PPIG: variants seen among roughly 807,000 people sequenced by gnomAD.
The protein encoded by PPIG is peptidylprolyl isomerase G.
In PPIG, 26 loss-of-function variants were observed where a neutral mutation model predicts 87.9. That is an observed-to-expected ratio of 0.30 (90% confidence interval 0.22 to 0.41). The LOEUF (loss-of-function observed/expected upper bound fraction) is 0.41, where lower values mean the gene tolerates loss of function less well. Among genes scored for constraint, PPIG ranks in the 10% least tolerant of loss-of-function variants. PPIG has a pLI of 1.00. For missense variants in PPIG, 722 were observed against 879.4 expected (o/e 0.82, Z 2.26); for synonymous variants, 308 against 276.5 (o/e 1.11, Z -1.13).
In PPIG at chr2:169,606,021, A is replaced by AT. The variant is rs751313567; in HGVS notation, c.137-11dup. 1.4e-4 allele frequency: 220 copies of AT among 1,553,078 alleles called. No homozygotes were observed. Among genetic ancestry groups the AT allele is most frequent in the East Asian group, 1.1e-3 (47 of 44,550 alleles). On this transcript the variant is annotated splice_polypyrimidine_tract_variant and intron_variant, in intron 4 of 13. Transcript: ENST00000260970. ...TGATTTCCTTTCTATTAAATGTCCT[A>AT]TTTTTTTATCTCTATAGGTGAAAAG... is the stretch of plus-strand genomic sequence containing the variant.
In PPIG at chr2:169,640,482, T is replaced by C. The variant is rs985809783; in HGVS notation, c.*2959T>C. On this transcript the variant is annotated 3_prime_UTR_variant, in exon 14 of 14. Transcript: ENST00000260970. ...TTGTACTTCATTCCAGTTGGTAATA[T>C]AGTTTTCATCACACTAAACTTTTTA... is the stretch of plus-strand genomic sequence containing the variant. 8 of 152,262 alleles carry C rather than the reference T, an allele frequency of 5.3e-5. No homozygotes were observed. The highest frequency in any genetic ancestry group is 3.4e-3 in the Middle Eastern group (1 of 294). 9.4% of individuals were successfully genotyped at this position (152,262 alleles called of 1,614,324 possible). A position where few individuals can be genotyped will look rare whatever the true frequency, so the allele number is the denominator to read the frequency against.
intron 13 of PPIG, 27 bp downstream of exon 13, chr2:169,636,255 A>G: frequency 6.4e-7 from 1 of 1,568,010 alleles, no homozygotes; most frequent in Non-Finnish European, 8.6e-7. Context: ...ATTATTTCAA[A>G]TGTAATGATA....
intron 9 of PPIG, among the ~76,000 whole-genome samples, chr2:169,628,304 G>A (rs1558899948): frequency 3.3e-5 from 5 of 152,100 alleles, no homozygotes; most frequent in South Asian, 2.1e-4. Context: ...ACTGGGTAAG[G>A]AAGGATTATC....
At chr2:169,632,551 C>A (rs1157094641) in intron 11 of PPIG, among the ~76,000 whole-genome samples, 1 of 151,506 alleles carries the variant, frequency 6.6e-6, no homozygotes, top group African/African-American at 2.4e-5. Context: ...ACCATCCTGG[C>A]TAACATGGTG....
At position 169,631,928 on chromosome 2, in the gene PPIG, A is replaced by G. The variant is rs1686064120; in HGVS notation, c.924A>G (p.Arg308=). The change falls in exon 11 of 14, where the codon AGA becomes AGG. Residue 308 remains arginine (R), a synonymous_variant. Transcript: ENST00000260970. ...AAAACAGAGAGAGAGAAAGGGAAAGAGAGTGGTATGTGAATATGTATATTT... is the reference window on the plus strand; with the variant it reads ...AAAACAGAGAGAGAGAAAGGGAAAGGGAGTGGTATGTGAATATGTATATTT... ...ERKNRERERE[R]ECNPPNSQPA... is the part of the protein sequence containing the mutation. The G allele has an allele frequency of 6.3e-7, 1 of 1,597,906 alleles. No individual in the cohort carries two copies. Among genetic ancestry groups the G allele is most frequent in the Non-Finnish European group, 8.6e-7 (1 of 1,167,634 alleles).
Position 169,640,619 on chromosome 2 carries a change from TTTGA to T in PPIG, c.*3099_*3102del. 6.6e-6 allele frequency: 1 copy of T among 152,324 alleles called. No individual in the cohort carries two copies. Among genetic ancestry groups the T allele is most frequent in the African/African-American group, 2.4e-5 (1 of 41,588 alleles). 9.4% of individuals were successfully genotyped at this position (152,324 alleles called of 1,614,324 possible). On this transcript the variant is annotated 3_prime_UTR_variant, in exon 14 of 14. Transcript: ENST00000260970. ...CAAAATGGGTGTTCTTCTGTTTCCT[TTTGA>T]TTATGTTTACTGTAATTATTTCATT...
Position 169,638,603 on chromosome 2 carries a change from T to C in PPIG, c.*1080T>C, listed in dbSNP as rs1686243673. 6.6e-6 allele frequency: 1 copy of C among 152,066 alleles called. No homozygotes were observed. The highest frequency in any genetic ancestry group is 2.4e-5 in the African/African-American group (1 of 41,442). 9.4% of individuals were successfully genotyped at this position (152,066 alleles called of 1,614,324 possible). A position where few individuals can be genotyped will look rare whatever the true frequency, so the allele number is the denominator to read the frequency against. On this transcript the variant is annotated 3_prime_UTR_variant, in exon 14 of 14. Coordinates refer to ENST00000260970, the MANE Select transcript of PPIG (RefSeq NM_004792.3). The stretch of plus-strand genomic sequence containing the variant: ...ATATGTATCACGATAGGCTATAGCA[T>C]GTTTATGACTCTGGTTTCTTTCTCT...
chr2:169,586,751 G>C (rs1348238386), intron 1 of PPIG, among the ~76,000 whole-genome samples: 1 of 151,940 alleles, frequency 6.6e-6, no homozygotes, highest in African/African-American at 2.4e-5. Context: ...CTTTAGTTAG[G>C]CTTTTTTCCT....
chr2:169,640,910 C>T lies in PPIG; in HGVS notation c.*3387C>T, dbSNP rs918447699. 9 of 152,126 alleles carry T rather than the reference C, an allele frequency of 5.9e-5. No individual in the cohort carries two copies. The highest frequency in any genetic ancestry group is 1.9e-4 in the East Asian group (1 of 5,184). The allele number at this position is 152,126 out of a possible 1,614,324, so 9.4% of individuals were successfully genotyped here. A position where few individuals can be genotyped will look rare whatever the true frequency, so the allele number is the denominator to read the frequency against. On this transcript the variant is annotated 3_prime_UTR_variant, in exon 14 of 14. Coordinates refer to ENST00000260970, the MANE Select transcript of PPIG (RefSeq NM_004792.3). ...AAAAATGACATGAATAAGAAAATTC[C>T]GTCAACAAGGTTGGAGTAGGGAGTT...
In PPIG at chr2:169,604,190, G is replaced by A; in HGVS notation, c.65G>A (p.Gly22Glu). 6.2e-7 allele frequency: 1 copy of A among 1,613,352 alleles called. No individual in the cohort carries two copies. Among genetic ancestry groups the A allele is most frequent in the Non-Finnish European group, 8.5e-7 (1 of 1,179,724 alleles). Residue 22 changes from glycine to glutamate, a missense_variant, in exon 4 of 14, where the codon GGA becomes GAA. By Grantham distance (98) the Gly-to-Glu change is moderately conservative. This residue lies in a region of PPIG where 99 missense variants were observed against 215.8 expected (regional missense o/e 0.46). Transcript: ENST00000260970. The part of the protein sequence containing the change: ...FDIAINNQPA[G>E]RVVFELFSDV... ...AACCAACTACCTTCTTTTTCAGCTG[G>A]AAGAGTTGTCTTTGAATTATTTTCT... is the stretch of plus-strand genomic sequence containing the variant.
At position 169,640,888 on chromosome 2, in the gene PPIG, AATGAC is replaced by A. The variant is rs1180446224; in HGVS notation, c.*3370_*3374del. 11 of 152,164 alleles carry A rather than the reference AATGAC, an allele frequency of 7.2e-5. No homozygotes were observed. Among genetic ancestry groups the A allele is most frequent in the African/African-American group, 2.2e-4 (9 of 41,442 alleles). 9.4% of individuals were successfully genotyped at this position (152,164 alleles called of 1,614,324 possible). A position where few individuals can be genotyped will look rare whatever the true frequency, so the allele number is the denominator to read the frequency against. On this transcript the variant is annotated 3_prime_UTR_variant, in exon 14 of 14. Coordinates refer to ENST00000260970, the MANE Select transcript of PPIG (RefSeq NM_004792.3). ...GAGGTATATATTAAAGGAAAAGAAA[AATGAC>A]ATGAATAAGAAAATTCCGTCAACAA...
At chr2:169,631,427 C>A in intron 10 of PPIG, 1 of 395,604 alleles carries the variant, frequency 2.5e-6, no homozygotes, top group Non-Finnish European at 3.9e-6. Flanking sequence ...TTGTCTTCAT[C>A]TGCCTATGGC....
chr2:169,615,561 T>C (rs7605610), intron 9 of PPIG, among the ~76,000 whole-genome samples: 90,740 of 152,124 alleles, frequency 0.6, 27,715 homozygotes, highest in African/African-American at 0.73. Context: ...AGTGAGTTCA[T>C]ATGGTATTCG....
chr2:169,614,750 G>A, intron 9 of PPIG, 26 bp downstream of exon 9: 1 of 1,581,914 alleles, frequency 6.3e-7, no homozygotes, highest in Non-Finnish European at 8.6e-7. Context: ...ATATTTCTGA[G>A]AATACTTACA....
At chr2:169,602,305 A>G (rs983273583) in intron 1 of PPIG, among the ~76,000 whole-genome samples, 1 of 152,052 alleles carries the variant, frequency 6.6e-6, no homozygotes, top group African/African-American at 2.4e-5. Context: ...TAAATAGAAT[A>G]TATTAAAATT....
At chr2:169,585,540 A>G (rs1684677300) in intron 1 of PPIG, among the ~76,000 whole-genome samples, 1 of 152,012 alleles carries the variant, frequency 6.6e-6, no homozygotes, top group Admixed American at 6.6e-5. Context: ...ATTACAGGCG[A>G]GAGCCACCGC....
chr2:169,597,502 C>CT (rs55683230), intron 1 of PPIG, among the ~76,000 whole-genome samples: 11,976 of 132,288 alleles, frequency 0.091, 620 homozygotes, highest in African/African-American at 0.14. Flanking sequence ...CTTTTCTTTT[C>CT]TTTTTTTTTT....
At position 169,636,830 on chromosome 2, in the gene PPIG, A is replaced by T; in HGVS notation, c.1572A>T (p.Glu524Asp). 6.2e-7 allele frequency: 1 copy of T among 1,613,736 alleles called. No individual in the cohort carries two copies. The highest frequency in any genetic ancestry group is 8.5e-7 in the Non-Finnish European group (1 of 1,179,950). The stretch of plus-strand genomic sequence containing the variant: ...GTAAAGAGAAGTCTAAACAGTTAGA[A>T]TCAAAGAGTAATGAGCATGATCACA... ...SRSKEKSKQL[E>D]SKSNEHDHSK... is the part of the protein sequence containing the mutation. The change falls in exon 14 of 14, where the codon GAA becomes GAT. Residue 524 changes from glutamate to aspartate, a missense_variant. Glu to Asp is a conservative substitution (Grantham distance 45). This residue lies in a region of PPIG where 476 missense variants were observed against 483.1 expected (regional missense o/e 0.99). Transcript: ENST00000260970.
At position 169,636,675 on chromosome 2, in the gene PPIG, A is replaced by G. The variant is rs1164051418; in HGVS notation, c.1417A>G (p.Arg473Gly). 6.2e-7 allele frequency: 1 copy of G among 1,606,956 alleles called. No homozygotes were observed. Among genetic ancestry groups the G allele is most frequent in the Admixed American group, 1.7e-5 (1 of 58,586 alleles). Residue 473 changes from arginine (R) to glycine (G), a missense_variant, in exon 14 of 14, where the codon AGA becomes GGA. By Grantham distance (125) the Arg-to-Gly change is moderately radical (BLOSUM62 -2). Coordinates refer to ENST00000260970, the MANE Select transcript of PPIG (RefSeq NM_004792.3). ...KSKEKSKSKE[R>G]DSKHNRNEEK... ...CAAAGAGAAATCAAAGAGTAAAGAAAGAGATTCAAAACATAATAGAAATGA... is the reference window on the plus strand; with the variant it reads ...CAAAGAGAAATCAAAGAGTAAAGAAGGAGATTCAAAACATAATAGAAATGA...
Sources: allele counts gnomAD v4.1 joint callset (sites outside exome capture counted in the v4.1 genomes callset), GRCh38; gene constraint gnomAD v4.1.1; regional missense constraint gnomAD v4.1.1; transcripts MANE v1.5; gene names NCBI Gene and HGNC (gene_info 2026-07-23, HGNC 2026-07-21).